PRRG1: variants seen among roughly 807,000 people sequenced by gnomAD.
PRRG1 encodes the protein transmembrane gamma-carboxyglutamic acid protein 1.
PRRG1 carries 5 observed loss-of-function variants against 11.8 expected under a neutral mutation model. That is an observed-to-expected ratio of 0.42 (90% CI 0.22 to 0.89). PRRG1 has a LOEUF of 0.89. Ranked by LOEUF, PRRG1 falls within the 40% of genes least tolerant of loss-of-function variation. The pLI, the probability that PRRG1 is intolerant of heterozygous loss-of-function variation, is 0.28. For missense variants in PRRG1, 155 were observed against 166.1 expected, an observed-to-expected ratio of 0.93 and a Z score of 0.37; for synonymous variants, 66 against 60.4, an observed-to-expected ratio of 1.09 and a Z score of -0.43.
intron 1 of PRRG1, among the ~76,000 whole-genome samples, chrX:37,376,411 G>A (rs1556372200): frequency 9.7e-6 from 1 of 102,826 alleles, no homozygotes. Context: ...TTAGTATCTA[G>A]TTTTGTTGAC....
In PRRG1 at chrX:37,455,992, C is replaced by T. The variant is rs1430892114; in HGVS notation, c.*2371C>T. ...ATAATGTGAAGACATTGTCTTTTCA[C>T]TCTATCTCAAAAAAAGTGTTGCAAA... On this transcript the variant is annotated 3_prime_UTR_variant, in exon 4 of 4. Transcript: ENST00000378628. The T allele has an allele frequency of 3.6e-5, 4 of 112,061 alleles. No individual in the cohort carries two copies. In the Admixed American group the frequency reaches 3.8e-4, roughly 11 times the overall value. The allele number at this position is 112,061 out of a possible 1,213,427, so 9.2% of individuals were successfully genotyped here. A position where few individuals can be genotyped will look rare whatever the true frequency, so the allele number is the denominator to read the frequency against.
chrX:37,397,476 A>C (rs1296974824), intron 1 of PRRG1, among the ~76,000 whole-genome samples: 1 of 112,505 alleles, frequency 8.9e-6, no homozygotes, highest in African/African-American at 3.2e-5. Flanking sequence ...CAGGCTAGAT[A>C]CAGGTGTTGA....
chrX:37,433,365 CACAG>C (rs782645978), intron 3 of PRRG1, among the ~76,000 whole-genome samples: 1 of 111,885 alleles, frequency 8.9e-6, no homozygotes, highest in Non-Finnish European at 1.9e-5. Context: ...TCCTCACATA[CACAG>C]ACAGCACGTG....
At chrX:37,393,446 T>G (rs1222539923) in intron 1 of PRRG1, among the ~76,000 whole-genome samples, 1 of 110,910 alleles carries the variant, frequency 9.0e-6, no homozygotes, top group African/African-American at 3.3e-5. Flanking sequence ...TGGCACATAG[T>G]AAATACCTAA....
intron 1 of PRRG1, among the ~76,000 whole-genome samples, chrX:37,391,796 G>C (rs782656751): frequency 1.4e-4 from 16 of 111,996 alleles, no homozygotes; most frequent in Non-Finnish European, 1.1e-4. Context: ...ATTCACTGAG[G>C]TGTTTCTATA....
intron 3 of PRRG1, among the ~76,000 whole-genome samples, chrX:37,427,681 A>T: frequency 8.9e-6 from 1 of 111,908 alleles, no homozygotes; most frequent in Non-Finnish European, 1.9e-5. Flanking sequence ...CCTTTTTTAG[A>T]TTCCATATAT....
intron 1 of PRRG1, among the ~76,000 whole-genome samples, chrX:37,399,339 A>G (rs1346779426): frequency 1.8e-5 from 2 of 110,098 alleles, no homozygotes; most frequent in Non-Finnish European, 3.8e-5. Flanking sequence ...ACATTCTTAA[A>G]GAAAAGAATT....
At chrX:37,383,160 G>A (rs1277274209) in intron 1 of PRRG1, among the ~76,000 whole-genome samples, 1 of 111,934 alleles carries the variant, frequency 8.9e-6, no homozygotes, top group Non-Finnish European at 1.9e-5. Context: ...GGGAAAAAGT[G>A]CTTCTGCACG....
In PRRG1 at chrX:37,425,852, G is replaced by A; in HGVS notation, c.23G>A (p.Gly8Glu). 8.5e-7 allele frequency: 1 copy of A among 1,183,208 alleles called. No individual in the cohort carries two copies. The highest frequency in any genetic ancestry group is 1.1e-6 in the Non-Finnish European group (1 of 882,975). MGRVFLT[G>E]EKANSILKRY... ...TATTTCTTTTTAGTTTTCCTCACGG[G>A]AGAAAAAGCCAATTCCATATTAAAA... Residue 8 changes from glycine to glutamate, a missense_variant, in exon 3 of 4, where the codon GGA becomes GAA. Transcript: ENST00000378628.
At position 37,393,900 on chromosome X, in the gene PRRG1, G is replaced by A. The variant is rs1320626126; in HGVS notation, c.-41-12309G>A. 3.6e-5 allele frequency among the ~76,000 whole-genome samples: 4 copies of A among 111,330 alleles called. No homozygotes were observed. The South Asian group carries it at 1.5e-3, about 42-fold the overall frequency. ...GTCAGAAACCCTAGGTTAAAATCTT[G>A]GGAATGCATTCTGAATCTTGATCTA... On this transcript the variant is annotated intron_variant, in intron 1 of 3. Coordinates refer to ENST00000378628, the MANE Select transcript of PRRG1 (RefSeq NM_001142395.2).
intron 1 of PRRG1, among the ~76,000 whole-genome samples, chrX:37,391,922 T>G (rs1248735372): frequency 1.8e-5 from 2 of 111,551 alleles, no homozygotes; most frequent in African/African-American, 6.5e-5. Context: ...AAGAGAATTC[T>G]CTTACTGTTG....
At chrX:37,432,262 T>C (rs1556390601) in intron 3 of PRRG1, among the ~76,000 whole-genome samples, 1 of 109,164 alleles carries the variant, frequency 9.2e-6, no homozygotes, top group East Asian at 2.8e-4. Flanking sequence ...TAATTTTTTG[T>C]ATTTTTAGTA....
chrX:37,441,367 C>T (rs1211362420), intron 3 of PRRG1: 2 of 754,997 alleles, frequency 2.6e-6, no homozygotes, highest in South Asian at 1.3e-4. Flanking sequence ...TCATTCTCCT[C>T]CCTGCCCACT....
intron 1 of PRRG1, among the ~76,000 whole-genome samples, chrX:37,365,009 A>G (rs1340422675): frequency 2.7e-5 from 3 of 112,136 alleles, no homozygotes; most frequent in Non-Finnish European, 3.8e-5. Flanking sequence ...TTTTATTCCA[A>G]AAATGTTTAA....
intron 1 of PRRG1, among the ~76,000 whole-genome samples, chrX:37,381,614 C>G (rs1931156529): frequency 9.0e-6 from 1 of 111,284 alleles, no homozygotes; most frequent in African/African-American, 3.3e-5. Flanking sequence ...TGTCTTATCT[C>G]TCTTATTATT....
chrX:37,389,615 A>G (rs1195500054), intron 1 of PRRG1, among the ~76,000 whole-genome samples: 2 of 110,879 alleles, frequency 1.8e-5, no homozygotes, highest in African/African-American at 6.6e-5. Context: ...GCAATAACTC[A>G]CTCACTCATT....
chrX:37,432,419 C>A (rs1387733839), intron 3 of PRRG1, among the ~76,000 whole-genome samples: 1 of 111,802 alleles, frequency 8.9e-6, no homozygotes, highest in Non-Finnish European at 1.9e-5. Flanking sequence ...ACATTTCTGG[C>A]CTTTTATCCA....
At position 37,455,694 on chromosome X, in the gene PRRG1, A is replaced by G. The variant is rs1556398184; in HGVS notation, c.*2073A>G. 8.9e-6 allele frequency: 1 copy of G among 112,802 alleles called. No homozygotes were observed. Among genetic ancestry groups the G allele is most frequent in the Non-Finnish European group, 1.9e-5 (1 of 53,367 alleles). 9.3% of individuals were successfully genotyped at this position (112,802 alleles called of 1,213,427 possible). A position where few individuals can be genotyped will look rare whatever the true frequency, so the allele number is the denominator to read the frequency against. On this transcript the variant is annotated 3_prime_UTR_variant, in exon 4 of 4. Transcript: ENST00000378628. ...TATCTTGACCCTGGTCTCAGAAATGACATTTTTACTTTTGCCATGAGTACA... is the reference window on the plus strand; with the variant it reads ...TATCTTGACCCTGGTCTCAGAAATGGCATTTTTACTTTTGCCATGAGTACA...
At chrX:37,386,465 A>G (rs1931333031) in intron 1 of PRRG1, 1 of 112,325 alleles carries the variant, frequency 8.9e-6, no homozygotes, top group African/African-American at 3.2e-5. Context: ...AAAGTTTCCT[A>G]CTGTCCCTTT....
Sources: gnomAD v4.1 joint callset for allele counts (sites outside exome capture counted in the v4.1 genomes callset) on GRCh38, gnomAD v4.1.1 for gene constraint, MANE v1.5 for transcripts, NCBI Gene and HGNC (gene_info 2026-07-23, HGNC 2026-07-21) for gene names.